The following BCR variants were observed in gnomAD, a reference collection of about 807,000 sequenced individuals.
The protein encoded by BCR is breakpoint cluster region protein.
In BCR, 58 loss-of-function variants were observed where a neutral mutation model predicts 138.6. The ratio of observed to expected loss-of-function variants is 0.42; its 90% CI spans 0.34 to 0.52. The LOEUF (loss-of-function observed/expected upper bound fraction) is 0.52, where lower values mean the gene tolerates loss of function less well. Among genes scored for constraint, BCR ranks in the 20% least tolerant of loss-of-function variants. The pLI, the probability that BCR is intolerant of heterozygous loss-of-function variation, is 0.06. For missense variants in BCR, 1,599 were observed against 1,727.2 expected, an observed-to-expected ratio of 0.93 and a Z score of 1.32; for synonymous variants, 786 against 730.1, an observed-to-expected ratio of 1.08 and a Z score of -1.23.
At chr22:23,263,092 A>G (rs1340828275) in intron 4 of BCR, 2 of 704,566 alleles carry the variant, frequency 2.8e-6, no homozygotes, top group South Asian at 1.9e-5. Context: ...GTACAAGGAC[A>G]AGGAGGTCAG....
chr22:23,253,737 TGG>T, intron 1 of BCR, 60 bp from the exon 2 acceptor site: 1 of 1,541,364 alleles, frequency 6.5e-7, no homozygotes, highest in Non-Finnish European at 8.8e-7. Context: ...CTTGCTGGGA[TGG>T]GTTGAGTATG....
At position 23,292,631 on chromosome 22, in the gene BCR, G is replaced by T. The variant is rs2073801251; in HGVS notation, c.2873G>T (p.Trp958Leu). The T allele has an allele frequency of 3.1e-6, 5 of 1,611,022 alleles. No homozygotes were observed. Among genetic ancestry groups the T allele is most frequent in the Non-Finnish European group, 4.2e-6 (5 of 1,178,088 alleles). Residue 958 changes from tryptophan (W) to leucine (L), a missense_variant, in exon 15 of 23, where the codon TGG (tryptophan) becomes TTG (leucine). This residue lies in a region of BCR where 590 missense variants were observed against 762.4 expected (regional missense o/e 0.77). Coordinates refer to ENST00000305877, the MANE Select transcript of BCR (RefSeq NM_004327.4). ...TACAGGGACACAGCTGAGCCAAACT[G>T]GAACGAGGTGAGGAACTGATTCCAC... ...RVYRDTAEPN[W>L]NEEFEIELEG...
chr22:23,289,730 T>A (rs1199792014), intron 13 of BCR, 109 bp downstream of exon 13: 2 of 948,198 alleles, frequency 2.1e-6, no homozygotes, highest in Admixed American at 4.1e-5. Context: ...TAGTGGACTT[T>A]GGTTCAGAAG....
At chr22:23,226,246 G>C (rs1220053224) in intron 1 of BCR, among the ~76,000 whole-genome samples, 4 of 152,148 alleles carry the variant, frequency 2.6e-5, no homozygotes. Flanking sequence ...TTTCCCGTCA[G>C]AAATATCCTT....
At chr22:23,294,020 C>T (rs546779799) in intron 15 of BCR, among the ~76,000 whole-genome samples, 4 of 152,324 alleles carry the variant, frequency 2.6e-5, no homozygotes, top group African/African-American at 9.6e-5. Context: ...TCCTCCAAGT[C>T]CCTCTCCCTC....
intron 1 of BCR, among the ~76,000 whole-genome samples, chr22:23,188,866 T>C (rs1449936553): frequency 6.6e-6 from 1 of 152,126 alleles, no homozygotes; most frequent in Non-Finnish European, 1.5e-5. Flanking sequence ...AAAATTCATG[T>C]TATATTTTTT....
intron 15 of BCR, among the ~76,000 whole-genome samples, chr22:23,294,596 C>T (rs2073825177): frequency 6.6e-6 from 1 of 152,170 alleles, no homozygotes; most frequent in Admixed American, 6.5e-5. Context: ...GATGGGGTTT[C>T]GCCATGTTGG....
intron 1 of BCR, among the ~76,000 whole-genome samples, chr22:23,191,599 A>T (rs2072415850): frequency 6.6e-6 from 1 of 152,202 alleles, no homozygotes; most frequent in Admixed American, 6.5e-5. Flanking sequence ...AGCACAGAGT[A>T]TGCCCTGCTG....
intron 16 of BCR, among the ~76,000 whole-genome samples, chr22:23,306,588 C>T (rs1394205647): frequency 3.3e-5 from 5 of 152,196 alleles, no homozygotes; most frequent in Non-Finnish European, 5.9e-5. Flanking sequence ...TGGAAATTCC[C>T]GTAACCAATA....
chr22:23,204,545 C>T (rs2072590050), intron 1 of BCR, among the ~76,000 whole-genome samples: 1 of 152,226 alleles, frequency 6.6e-6, no homozygotes, highest in Non-Finnish European at 1.5e-5. Context: ...TGTCCCAAAG[C>T]AGCCTTCCTG....
At chr22:23,297,396 T>C (rs1275070552) in intron 16 of BCR, among the ~76,000 whole-genome samples, 2 of 152,028 alleles carry the variant, frequency 1.3e-5, no homozygotes, top group Non-Finnish European at 2.9e-5. Context: ...TGCTTTCCCA[T>C]TCGGTCCTTG....
At chr22:23,259,551 T>C (rs2073333771) in intron 2 of BCR, among the ~76,000 whole-genome samples, 1 of 151,652 alleles carries the variant, frequency 6.6e-6, no homozygotes, top group Admixed American at 6.6e-5. Context: ...AGTTTCGCTC[T>C]TGTTGCCCAG....
chr22:23,244,186 T>C (rs1377603089), intron 1 of BCR, among the ~76,000 whole-genome samples: 1 of 152,090 alleles, frequency 6.6e-6, no homozygotes, highest in African/African-American at 2.4e-5. Flanking sequence ...GATTGCCTGG[T>C]GAAAGGAGAA....
At chr22:23,290,592 T>C in intron 14 of BCR, 179 bp downstream of exon 14, 1 of 654,476 alleles carries the variant, frequency 1.5e-6, no homozygotes, top group Non-Finnish European at 2.7e-6. Context: ...GTGGAATTGT[T>C]TTTCCCGGAG....
chr22:23,262,806 C>T (rs1192402765), intron 4 of BCR: 2 of 993,648 alleles, frequency 2.0e-6, no homozygotes, highest in South Asian at 4.5e-5. Context: ...AAGGGAAAAG[C>T]GAGCGAGAGG....
intron 2 of BCR, chr22:23,254,628 C>T: frequency 1.9e-6 from 1 of 517,638 alleles, no homozygotes; most frequent in Non-Finnish European, 3.9e-6. Context: ...TGCTGGACCG[C>T]CCGGCCCTGC....
At chr22:23,194,550 G>A (rs916852335) in intron 1 of BCR, among the ~76,000 whole-genome samples, 1 of 151,950 alleles carries the variant, frequency 6.6e-6, no homozygotes, top group Non-Finnish European at 1.5e-5. Flanking sequence ...AGCTGGAACT[G>A]CAGGCGCCTG....
intron 14 of BCR, 29 bp downstream of exon 14, chr22:23,290,442 C>T: frequency 6.2e-7 from 1 of 1,604,968 alleles, no homozygotes; most frequent in South Asian, 1.1e-5. Context: ...AGGAGGGTTG[C>T]AGCGGCCGAG....
chr22:23,238,731 C>T (rs1376490102), intron 1 of BCR, among the ~76,000 whole-genome samples: 1 of 152,150 alleles, frequency 6.6e-6, no homozygotes, highest in African/African-American at 2.4e-5. Flanking sequence ...TCCAGGAGCA[C>T]TATAGATCAG....
Sources: allele counts gnomAD v4.1 joint callset (sites outside exome capture counted in the v4.1 genomes callset), GRCh38; gene constraint gnomAD v4.1.1; regional missense constraint gnomAD v4.1.1; transcripts MANE v1.5; gene names NCBI Gene and HGNC (gene_info 2026-07-23, HGNC 2026-07-21).